Variants in ESRRG observed in about 807,000 individuals in gnomAD.
ESRRG encodes estrogen-related receptor gamma.
In ESRRG, 13 loss-of-function variants were observed where a neutral mutation model predicts 44.0. The ratio of observed to expected loss-of-function variants is 0.30; its 90% CI spans 0.19 to 0.47. The LOEUF (loss-of-function observed/expected upper bound fraction) is 0.47. Among genes scored for constraint, ESRRG ranks in the 20% least tolerant of loss-of-function variants. The pLI is 1.00. For synonymous variants in ESRRG, 215 were observed against 214.6 expected (o/e 1.00, Z -0.02); for missense variants, 395 against 580.6 (o/e 0.68, Z 3.29).
intron 2 of ESRRG, among the ~76,000 whole-genome samples, chr1:216,902,555 A>C (rs1036497096): frequency 3.3e-5 from 5 of 152,274 alleles, no homozygotes; most frequent in African/African-American, 1.2e-4. Flanking sequence ...AGAGGAGAGA[A>C]ACCACGAAGT....
intron 1 of ESRRG, among the ~76,000 whole-genome samples, chr1:217,008,015 T>C (rs1246491482): frequency 1.3e-5 from 2 of 152,194 alleles, no homozygotes; most frequent in South Asian, 2.1e-4. Flanking sequence ...TCTCACATTA[T>C]AGTCTTACAT....
intron 1 of ESRRG, among the ~76,000 whole-genome samples, chr1:217,046,094 G>A (rs963687636): frequency 6.6e-6 from 1 of 151,362 alleles, no homozygotes; most frequent in African/African-American, 2.4e-5. Flanking sequence ...ACCCAAAAGA[G>A]TTAAGGCATG....
At chr1:216,821,697 T>A (rs540209772) in intron 2 of ESRRG, among the ~76,000 whole-genome samples, 31,548 of 64,618 alleles carry the variant, frequency 0.49, 8,342 homozygotes, top group Non-Finnish European at 0.54. Context: ...GAAAAATAAA[T>A]AAATAAATAA....
chr1:216,947,730 C>T lies in ESRRG; in HGVS notation c.-105-8057G>A, dbSNP rs576301359. ...AAAGATCCATAGTGTCCTTCATTAA[C>T]ACCCATCTTTTTCTCCTCCTTTCCT... On this transcript the variant is annotated intron_variant, in intron 1 of 7. Coordinates refer to the ESRRG transcript ENST00000359162. Among the ~76,000 whole-genome samples the T allele has an allele frequency of 2.6e-5, 4 of 152,288 alleles. No individual in the cohort carries two copies. The East Asian group carries it at 5.8e-4, about 22-fold the overall frequency.
chr1:216,513,223 A>C (rs1225668599), intron 6 of ESRRG, among the ~76,000 whole-genome samples: 2 of 152,108 alleles, frequency 1.3e-5, no homozygotes, highest in African/African-American at 2.4e-5. Context: ...AAAAAGAGAG[A>C]GAGAAAGAAA....
intron 5 of ESRRG, among the ~76,000 whole-genome samples, chr1:216,555,877 T>C (rs969557093): frequency 3.9e-5 from 6 of 152,012 alleles, no homozygotes; most frequent in Admixed American, 2.6e-4. Flanking sequence ...ACGCATTCAT[T>C]TGGAGATTGG....
intron 2 of ESRRG, among the ~76,000 whole-genome samples, chr1:216,768,492 A>G (rs149219349): frequency 2.4e-3 from 322 of 132,868 alleles, no homozygotes; most frequent in African/African-American, 7.6e-3. Context: ...CTATCTATCT[A>G]TCTATCTATA....
intron 2 of ESRRG, among the ~76,000 whole-genome samples, chr1:216,794,967 A>G (rs1244804081): frequency 6.6e-6 from 1 of 152,212 alleles, no homozygotes; most frequent in African/African-American, 2.4e-5. Flanking sequence ...AATACAGCTC[A>G]GGAAGCCAAC....
At chr1:217,072,981 C>A (rs924649) in intron 1 of ESRRG, among the ~76,000 whole-genome samples, 47,761 of 151,604 alleles carry the variant, frequency 0.32, 8,027 homozygotes, top group East Asian at 0.68. Flanking sequence ...AGGGCATGTT[C>A]TCTGCCCTTG....
At chr1:216,851,008 T>G (rs751948634) in intron 2 of ESRRG, among the ~76,000 whole-genome samples, 1 of 150,200 alleles carries the variant, frequency 6.7e-6, no homozygotes, top group Non-Finnish European at 1.5e-5. Context: ...ATGGTTTACA[T>G]GCATGTGTTT....
Position 217,026,908 on chromosome 1 carries a change from C to CAGAGAGAGAGAGAG in ESRRG, c.-106+62598_-106+62599insCTCTCTCTCTCTCT, listed in dbSNP as rs1254896528. 8.3e-3 allele frequency among the ~76,000 whole-genome samples: 746 copies of CAGAGAGAGAGAGAG among 90,414 alleles called. 9 individuals carry two copies. The highest frequency in any genetic ancestry group is 0.015 in the African/African-American group (374 of 24,218). 59.3% of individuals were successfully genotyped at this position (90,414 alleles called of 152,430 possible). ...ACACATACACACACACACACACACACACACAGAGAGAGAGAGAGAGAGAGA... is the reference window on the plus strand; with the variant it reads ...ACACATACACACACACACACACACACAGAGAGAGAGAGAGACACAGAGAGAGAGAGAGAGAGAGA... On this transcript the variant is annotated intron_variant, in intron 1 of 7. Coordinates refer to the ESRRG transcript ENST00000359162.
chr1:217,073,606 A>G (rs2090886099), intron 1 of ESRRG, among the ~76,000 whole-genome samples: 1 of 152,208 alleles, frequency 6.6e-6, no homozygotes, highest in South Asian at 2.1e-4. Flanking sequence ...CAGGGCTGGC[A>G]TCAAAAGACT....
chr1:217,044,536 T>C (rs977136030), intron 1 of ESRRG, among the ~76,000 whole-genome samples: 1 of 152,182 alleles, frequency 6.6e-6, no homozygotes, highest in Non-Finnish European at 1.5e-5. Context: ...ACCTAATCTG[T>C]ACACCTTCAC....
chr1:216,604,329 G>A (rs1271092755), intron 3 of ESRRG, among the ~76,000 whole-genome samples: 1 of 152,170 alleles, frequency 6.6e-6, no homozygotes, highest in Non-Finnish European at 1.5e-5. Flanking sequence ...GGTATCAGAG[G>A]AGTCAAAGCC....
At chr1:216,801,418 G>T (rs374817377) in intron 2 of ESRRG, among the ~76,000 whole-genome samples, 2 of 151,938 alleles carry the variant, frequency 1.3e-5, no homozygotes, top group Non-Finnish European at 2.9e-5. Flanking sequence ...CCCCATTTCC[G>T]ACAACCCCCT....
At chr1:216,746,605 C>T (rs747397300) in intron 2 of ESRRG, among the ~76,000 whole-genome samples, 8 of 152,074 alleles carry the variant, frequency 5.3e-5, no homozygotes, top group Non-Finnish European at 8.8e-5. Context: ...CAGATGTATT[C>T]ATTTTTAAAG....
At chr1:216,831,425 A>G (rs2095485388) in intron 2 of ESRRG, among the ~76,000 whole-genome samples, 1 of 151,678 alleles carries the variant, frequency 6.6e-6, no homozygotes, top group Admixed American at 6.6e-5. Context: ...GCCTGAGGAG[A>G]CAGAGCTCTG....
At chr1:217,082,685 A>C (rs2091848784) in intron 1 of ESRRG, among the ~76,000 whole-genome samples, 1 of 138,846 alleles carries the variant, frequency 7.2e-6, no homozygotes, top group African/African-American at 2.8e-5. Context: ...CACACACCTC[A>C]CCCTCTTCTT....
chr1:216,754,374 T>G (rs2092308870), intron 2 of ESRRG, among the ~76,000 whole-genome samples: 1 of 152,050 alleles, frequency 6.6e-6, no homozygotes. Context: ...TAGAGTCCCG[T>G]ATCTTTTTCA....
Sources: gnomAD v4.1 joint callset for allele counts (sites outside exome capture counted in the v4.1 genomes callset) on GRCh38, gnomAD v4.1.1 for gene constraint, MANE v1.5 for transcripts, NCBI Gene and HGNC (gene_info 2026-07-23, HGNC 2026-07-21) for gene names.